The following ACP6 variants were observed in gnomAD, a reference collection of about 807,000 sequenced individuals.
The protein encoded by ACP6 is lysophosphatidic acid phosphatase type 6.
In ACP6, 48 loss-of-function variants were observed where a neutral mutation model predicts 48.1. That is an observed-to-expected ratio of 1.00 (90% CI 0.79 to 1.27). The LOEUF is 1.27. Ranked by LOEUF, ACP6 falls within the 50% of genes most tolerant of loss-of-function variation. The pLI is 0.00. For synonymous variants in ACP6, 172 were observed against 204.2 expected (o/e 0.84, Z 1.34); for missense variants, 485 against 529.1 (o/e 0.92, Z 0.82).
At position 147,670,089 on chromosome 1, in the gene ACP6, A is replaced by C; in HGVS notation, c.-41T>G. 8 of 1,455,274 alleles carry C rather than the reference A, an allele frequency of 5.5e-6. No homozygotes were observed. Among genetic ancestry groups the C allele is most frequent in the Non-Finnish European group, 7.3e-6 (8 of 1,096,800 alleles). The allele number at this position is 1,455,274 out of a possible 1,614,324, so 90.1% of individuals were successfully genotyped here. A position where few individuals can be genotyped will look rare whatever the true frequency, so the allele number is the denominator to read the frequency against. On this transcript the variant is annotated 5_prime_UTR_variant, in exon 1 of 10. Transcript: ENST00000583509. ...CTGCCCTCCGGGTTGAGGCTGCAGG[A>C]GGCAAACACAAGTCTTCTGCGGGCG... is the stretch of plus-strand genomic sequence containing the variant.
chr1:147,656,899 G>A (rs12119079), intron 4 of ACP6, among the ~76,000 whole-genome samples: 114,653 of 152,118 alleles, frequency 0.75, 43,641 homozygotes, highest in African/African-American at 0.86. Context: ...ATAGTACAGG[G>A]TAATACACAG....
intron 1 of ACP6, among the ~76,000 whole-genome samples, chr1:147,662,520 C>T (rs1660597246): frequency 6.6e-6 from 1 of 152,078 alleles, no homozygotes; most frequent in South Asian, 2.1e-4. Flanking sequence ...TTCAGGCTTC[C>T]GTGGAAGAAG....
In ACP6 at chr1:147,643,157, A is replaced by C. The variant is rs1553209030; in HGVS notation, c.*4266T>G. On this transcript the variant is annotated 3_prime_UTR_variant, in exon 10 of 10. Transcript: ENST00000583509. ...TCCAAATACATTACACCTGAGGTAC[A>C]TTCAGTCCTCAACATCATTGATAGG... 6.6e-6 allele frequency: 1 copy of C among 152,202 alleles called. No homozygotes were observed. Among genetic ancestry groups the C allele is most frequent in the Admixed American group, 6.5e-5 (1 of 15,270 alleles). 9.4% of individuals were successfully genotyped at this position (152,202 alleles called of 1,614,324 possible). A position where few individuals can be genotyped will look rare whatever the true frequency, so the allele number is the denominator to read the frequency against.
Position 147,642,347 on chromosome 1 carries a change from A to G in ACP6, c.*5076T>C, listed in dbSNP as rs1659476985. The G allele has an allele frequency of 6.6e-6, 1 of 152,210 alleles. No homozygotes were observed. Among genetic ancestry groups the G allele is most frequent in the African/African-American group, 2.4e-5 (1 of 41,436 alleles). 9.4% of individuals were successfully genotyped at this position (152,210 alleles called of 1,614,324 possible). On this transcript the variant is annotated 3_prime_UTR_variant, in exon 10 of 10. Transcript: ENST00000583509. ...TAAAAGACAAGACAAACAACCTTCT[A>G]TTGAAGGACAAACAGAAACACGGGA...
At chr1:147,649,496 G>A (rs1008026786) in intron 8 of ACP6, among the ~76,000 whole-genome samples, 5 of 151,572 alleles carry the variant, frequency 3.3e-5, no homozygotes, top group African/African-American at 1.2e-4. Flanking sequence ...CCAGGCTGGA[G>A]TACAGTGGTG....
chr1:147,663,793 T>C (rs1660663744), intron 1 of ACP6, among the ~76,000 whole-genome samples: 1 of 152,180 alleles, frequency 6.6e-6, no homozygotes, highest in Non-Finnish European at 1.5e-5. Context: ...GGGACTCCTG[T>C]TCCTATCTGC....
At chr1:147,652,718 T>TACATGTGGCC in intron 6 of ACP6, 169 bp from the exon 7 acceptor site, 1 of 1,387,286 alleles carries the variant, frequency 7.2e-7, no homozygotes, top group Non-Finnish European at 9.9e-7. Flanking sequence ...TCTCTAAAGC[T>TACATGTGGCC]CTTCCAAAGC....
rs587741025 is a variant in ACP6 at position 147,665,731 on chromosome 1, A to T, written c.219+4099T>A. Among the ~76,000 whole-genome samples the T allele has an allele frequency of 2.0e-5, 3 of 152,372 alleles. No homozygotes were observed. In the South Asian group the frequency reaches 6.2e-4, roughly 32 times the overall value. Reference sequence around the variant, plus strand: ...CCTCACTAAGAAATCTGTTAGGCACATTCACCAAGAGAGGACCCTTGGCGT... The same window carrying T: ...CCTCACTAAGAAATCTGTTAGGCACTTTCACCAAGAGAGGACCCTTGGCGT... On this transcript the variant is annotated intron_variant, in intron 1 of 9. Coordinates refer to ENST00000583509, the MANE Select transcript of ACP6 (RefSeq NM_016361.5).
At chr1:147,659,817 T>C (rs1553212437) in intron 1 of ACP6, 42 bp from the exon 2 acceptor site, 1 of 1,605,166 alleles carries the variant, frequency 6.2e-7, no homozygotes, top group Non-Finnish European at 8.5e-7. Flanking sequence ...TTAAAAATGG[T>C]TCTTGAAATG....
At chr1:147,653,215 C>T (rs1209269301) in intron 6 of ACP6, among the ~76,000 whole-genome samples, 1 of 151,994 alleles carries the variant, frequency 6.6e-6, no homozygotes, top group East Asian at 1.9e-4. Context: ...ACTGCAACCC[C>T]TGCCTCCCAG....
At chr1:147,635,158 G>C (rs1174999417) in intron 5 of ACP6, among the ~76,000 whole-genome samples, 1 of 152,184 alleles carries the variant, frequency 6.6e-6, no homozygotes, top group African/African-American at 2.4e-5. Context: ...TTTGAGACTA[G>C]AAATCTGAGA....
intron 1 of ACP6, 148 bp downstream of exon 1, chr1:147,669,682 C>A: frequency 1.3e-6 from 1 of 787,118 alleles, no homozygotes; most frequent in Non-Finnish European, 2.0e-6. Context: ...CCTGGGGAGT[C>A]ACTGGCTACT....
At chr1:147,640,458 T>C (rs587653324), downstream of ACP6, among the ~76,000 whole-genome samples, 8 of 152,326 alleles carry the variant, frequency 5.3e-5, no homozygotes, top group African/African-American at 1.9e-4. Context: ...TCCTCTGGCA[T>C]AGCAGGAGCA....
intron 4 of ACP6, among the ~76,000 whole-genome samples, chr1:147,655,671 T>C (rs1660218471): frequency 6.6e-6 from 1 of 152,214 alleles, no homozygotes; most frequent in African/African-American, 2.4e-5. Flanking sequence ...TAGGCCACTA[T>C]GGTGACTTAT....
chr1:147,639,540 C>T (rs1380469129), downstream of ACP6, among the ~76,000 whole-genome samples: 2 of 152,190 alleles, frequency 1.3e-5, no homozygotes, highest in Non-Finnish European at 2.9e-5. Flanking sequence ...TAATTACACA[C>T]TCAATCAGTT....
At chr1:147,665,470 T>C (rs1660749994) in intron 1 of ACP6, among the ~76,000 whole-genome samples, 3 of 152,192 alleles carry the variant, frequency 2.0e-5, no homozygotes, top group Admixed American at 2.0e-4. Context: ...ATGGAGATAT[T>C]CCTTGACTAA....
chr1:147,662,175 GACA>G (rs1208396694), intron 1 of ACP6, among the ~76,000 whole-genome samples: 1 of 152,202 alleles, frequency 6.6e-6, no homozygotes, highest in Non-Finnish European at 1.5e-5. Context: ...ACTGCTCATT[GACA>G]ATGCACCTAG....
Position 147,662,044 on chromosome 1 carries a change from T to C in ACP6, c.220-2269A>G, listed in dbSNP as rs115204638. Reference sequence around the variant, plus strand: ...CTAAATGTACTCTGACTGTGCTGTATAAATGGAACAACAAAGCCTGCATGG... The same window carrying C: ...CTAAATGTACTCTGACTGTGCTGTACAAATGGAACAACAAAGCCTGCATGG... On this transcript the variant is annotated intron_variant, in intron 1 of 9. Transcript: ENST00000583509. Among the ~76,000 whole-genome samples the C allele has an allele frequency of 5.1e-3, 775 of 152,332 alleles. 10 individuals are homozygous for C. Among genetic ancestry groups the C allele is most frequent in the African/African-American group, 0.018 (744 of 41,568 alleles).
At position 147,655,025 on chromosome 1, in the gene ACP6, G is replaced by T; in HGVS notation, c.647+136C>A. ...CCTAGACAGCTGATGTCACACTTAA[G>T]TGTAATTTAAACCTTCCCATCCATT... On this transcript the variant is annotated intron_variant, in intron 5 of 9. Transcript: ENST00000583509. 4.6e-6 allele frequency: 3 copies of T among 657,758 alleles called. No individual in the cohort carries two copies. The South Asian group carries it at 5.4e-5, about 12-fold the overall frequency. The allele number at this position is 657,758 out of a possible 1,614,324, so 40.7% of individuals were successfully genotyped here. A position where few individuals can be genotyped will look rare whatever the true frequency, so the allele number is the denominator to read the frequency against.
Sources: gnomAD v4.1 joint callset for allele counts (sites outside exome capture counted in the v4.1 genomes callset) on GRCh38, gnomAD v4.1.1 for gene constraint, MANE v1.5 for transcripts, NCBI Gene and HGNC (gene_info 2026-07-23, HGNC 2026-07-21) for gene names.